RGP1: variants seen among roughly 807,000 people sequenced by gnomAD.
RGP1 encodes the protein RGP1 partner of RAB6A GEF complex.
A neutral mutation model predicts 44.5 loss-of-function variants in RGP1; 28 were observed. The observed-to-expected ratio is 0.63, with a 90% CI of 0.47 to 0.86. RGP1 has a LOEUF of 0.86. Among genes scored for constraint, RGP1 ranks in the 40% least tolerant of loss-of-function variants. The pLI is 0.00. For synonymous variants in RGP1, 212 were observed against 196.7 expected, an observed-to-expected ratio of 1.08 and a Z score of -0.65; for missense variants, 417 against 490.7, an observed-to-expected ratio of 0.85 and a Z score of 1.42.
At position 35,755,281 on chromosome 9, in the gene RGP1, C is replaced by T. The variant is rs1373758332; in HGVS notation, c.*2407C>T. 6.6e-6 allele frequency: 1 copy of T among 152,242 alleles called. No individual in the cohort carries two copies. The highest frequency in any genetic ancestry group is 1.5e-5 in the Non-Finnish European group (1 of 68,038). 9.4% of individuals were successfully genotyped at this position (152,242 alleles called of 1,614,324 possible). On this transcript the variant is annotated 3_prime_UTR_variant, in exon 9 of 9. Coordinates refer to ENST00000378078, the MANE Select transcript of RGP1 (RefSeq NM_001080496.3). ...ATGCGTGCAGTGCTCTTATCACCATCTCTGGTGCGTAAGCGTCAGGAAATA... is the reference window on the plus strand; with the variant it reads ...ATGCGTGCAGTGCTCTTATCACCATTTCTGGTGCGTAAGCGTCAGGAAATA...
the RGP1 span, among the ~76,000 whole-genome samples, chr9:35,774,707 G>A: frequency 4.6e-5 from 7 of 152,122 alleles, no homozygotes; most frequent in African/African-American, 1.4e-4. Flanking sequence ...CTGGGCGACA[G>A]AGCAAGACTC....
the RGP1 span, among the ~76,000 whole-genome samples, chr9:35,765,837 T>C: frequency 2.1e-5 from 3 of 144,750 alleles, no homozygotes; most frequent in Non-Finnish European, 4.6e-5. Flanking sequence ...CTTTCTTTCT[T>C]TTTTTTTTTT....
chr9:35,774,390 C>A, the RGP1 span, among the ~76,000 whole-genome samples: 1 of 152,208 alleles, frequency 6.6e-6, no homozygotes, highest in African/African-American at 2.4e-5. Context: ...AGCAGTGGTA[C>A]TAAATAGATT....
At chr9:35,751,439 C>T (rs751288520) in intron 6 of RGP1, 27 bp downstream of exon 6, 26 of 1,612,952 alleles carry the variant, frequency 1.6e-5, no homozygotes, top group Admixed American at 3.3e-5. Context: ...AATTGTCCTA[C>T]CCCATCCTTC....
chr9:35,751,381 C>G lies in RGP1; in HGVS notation c.603C>G (p.Arg201=). The change falls in exon 6 of 9, where the codon CGC becomes CGG. Residue 201 remains arginine, a synonymous_variant. Transcript: ENST00000378078. ...DSWLAELAGE[R]LMAATSCRSL... The stretch of plus-strand genomic sequence containing the variant: ...GGCTAGCTGAGCTGGCTGGGGAACG[C>G]CTAATGGCTGCCACATCCTGCCGCA... 1 of 1,613,958 alleles carries G rather than the reference C, an allele frequency of 6.2e-7. No individual in the cohort carries two copies. Among genetic ancestry groups the G allele is most frequent in the Non-Finnish European group, 8.5e-7 (1 of 1,179,878 alleles).
downstream of RGP1, among the ~76,000 whole-genome samples, chr9:35,760,544 C>G (rs1456818756): frequency 6.6e-6 from 1 of 152,152 alleles, no homozygotes; most frequent in Non-Finnish European, 1.5e-5. Context: ...AATGGTTATA[C>G]TTTCTCTTCC....
rs1827290716 is a variant in RGP1, at chr9:35,752,829, C to T, written c.1131C>T (p.Ala377=). The T allele has an allele frequency of 1.2e-6, 2 of 1,613,864 alleles. No homozygotes were observed. Among genetic ancestry groups the T allele is most frequent in the East Asian group, 2.2e-5 (1 of 44,872 alleles). ...IKVLPTSPTL[A]SYAAPGPSTS... ...TGCTGCCTACTAGCCCCACCCTGGC[C>T]TCATATGCTGCCCCAGGCCCCAGCA... The change falls in exon 9 of 9, where the codon GCC becomes GCT. Residue 377 remains alanine (A), a synonymous_variant. Transcript: ENST00000378078.
the RGP1 span, among the ~76,000 whole-genome samples, chr9:35,766,007 T>G: frequency 1.3e-5 from 2 of 151,604 alleles, no homozygotes; most frequent in African/African-American, 4.8e-5. Context: ...GCTAATTTTT[T>G]TATTTTTAGT....
At chr9:35,789,446 G>A in the RGP1 span, among the ~76,000 whole-genome samples, 8 of 151,174 alleles carry the variant, frequency 5.3e-5, no homozygotes, top group East Asian at 1.9e-4. Context: ...CCACAGGTTC[G>A]TGCCACCATA....
chr9:35,787,386 C>T, the RGP1 span, among the ~76,000 whole-genome samples: 2 of 152,076 alleles, frequency 1.3e-5, no homozygotes, highest in Admixed American at 6.5e-5. Flanking sequence ...CCTGCCACCA[C>T]GCCCAGGTAA....
At position 35,749,723 on chromosome 9, in the gene RGP1, T is replaced by C; in HGVS notation, c.-19-14T>C. ...TCAAGGTGCTGACCTCCGCCCCGCC[T>C]TGTTTCCTTCTAGATCTGATTCCGG... On this transcript the variant is annotated splice_polypyrimidine_tract_variant and intron_variant, in intron 1 of 8. Coordinates refer to ENST00000378078, the MANE Select transcript of RGP1 (RefSeq NM_001080496.3). This position sits in a 1 kb window ranked among gnomAD's most constrained non-coding sequence, Gnocchi z 4.4. 1 of 1,521,842 alleles carries C rather than the reference T, an allele frequency of 6.6e-7. No homozygotes were observed. Among genetic ancestry groups the C allele is most frequent in the South Asian group, 1.1e-5 (1 of 88,248 alleles). 94.3% of individuals were successfully genotyped at this position (1,521,842 alleles called of 1,614,324 possible).
rs1827358240 is a variant in RGP1 at position 35,756,335 on chromosome 9, T to A, written c.*3461T>A. The A allele has an allele frequency of 6.6e-6, 1 of 152,326 alleles. No homozygotes were observed. Among genetic ancestry groups the A allele is most frequent in the African/African-American group, 2.4e-5 (1 of 41,470 alleles). 9.4% of individuals were successfully genotyped at this position (152,326 alleles called of 1,614,324 possible). A position where few individuals can be genotyped will look rare whatever the true frequency, so the allele number is the denominator to read the frequency against. On this transcript the variant is annotated 3_prime_UTR_variant, in exon 9 of 9. Transcript: ENST00000378078. ...GGGGGACCACCCTACCTGTCATCTC[T>A]TCACTGTTCAGAAATGACTGTGTCA...
chr9:35,781,378 G>A, the RGP1 span, among the ~76,000 whole-genome samples: 17 of 133,340 alleles, frequency 1.3e-4, no homozygotes, highest in African/African-American at 4.7e-4. Context: ...GGTCCGTGGT[G>A]GGTGCGCAGG....
the RGP1 span, among the ~76,000 whole-genome samples, chr9:35,767,698 T>C: frequency 2.6e-5 from 4 of 152,186 alleles, no homozygotes; most frequent in Non-Finnish European, 5.9e-5. Context: ...TTATCATCTA[T>C]CCATAGCAGA....
At chr9:35,751,519 T>A (rs1028267222) in intron 6 of RGP1, 107 bp downstream of exon 6, 5 of 1,595,858 alleles carry the variant, frequency 3.1e-6, no homozygotes, top group Non-Finnish European at 4.3e-6. Context: ...CACTGATACC[T>A]GACACCTCCA....
At chr9:35,761,673 C>T (rs534866014), downstream of RGP1, among the ~76,000 whole-genome samples, 2 of 151,440 alleles carry the variant, frequency 1.3e-5, no homozygotes, top group African/African-American at 4.9e-5. Context: ...GACCCTGTCT[C>T]AAACAAACAA....
rs752432832 is a variant in RGP1 at position 35,758,303 on chromosome 9, ATACAG to A, written c.*5431_*5435del. On this transcript the variant is annotated 3_prime_UTR_variant, in exon 9 of 9. Transcript: ENST00000378078. ...ATCTTCTGTGGATGTGTATGTAATT[ATACAG>A]TTTCTGTATTTATCCTGTGGCTGAT... is the stretch of plus-strand genomic sequence containing the variant. 4.6e-5 allele frequency: 7 copies of A among 152,264 alleles called. No individual in the cohort carries two copies. The highest frequency in any genetic ancestry group is 1.3e-4 in the Admixed American group (2 of 15,284). 9.4% of individuals were successfully genotyped at this position (152,264 alleles called of 1,614,324 possible).
At chr9:35,780,507 C>G in the RGP1 span, 1 of 152,200 alleles carries the variant, frequency 6.6e-6, no homozygotes, top group African/African-American at 2.4e-5. Context: ...ATTTATCCGT[C>G]ACGAAATCTA....
Position 35,754,043 on chromosome 9 carries a change from G to T in RGP1, c.*1169G>T. On this transcript the variant is annotated 3_prime_UTR_variant, in exon 9 of 9. Coordinates refer to ENST00000378078, the MANE Select transcript of RGP1 (RefSeq NM_001080496.3). Reference sequence around the variant, plus strand: ...ACTTGCTGTAGACTCCTGGGTGCTGGAGGAGTAGAGACATCACCAAGCAGA... The same window carrying T: ...ACTTGCTGTAGACTCCTGGGTGCTGTAGGAGTAGAGACATCACCAAGCAGA... The T allele has an allele frequency of 6.2e-7, 1 of 1,613,828 alleles. No individual in the cohort carries two copies. Among genetic ancestry groups the T allele is most frequent in the Non-Finnish European group, 8.5e-7 (1 of 1,179,858 alleles).
Sources: gnomAD v4.1 joint callset for allele counts (sites outside exome capture counted in the v4.1 genomes callset) on GRCh38, gnomAD v4.1.1 for gene constraint, Gnocchi (gnomAD v3.1) non-coding constraint, MANE v1.5 for transcripts, NCBI Gene and HGNC (gene_info 2026-07-23, HGNC 2026-07-21) for gene names.